The following CFAP263 variants were observed in gnomAD, a reference collection of about 807,000 sequenced individuals.
CFAP263 encodes cilia and flagella associated protein 263, also known as cilia- and flagella-associated protein 263.
chr16:58,275,780 C>A, the CFAP263 span, among the ~76,000 whole-genome samples: 7 of 152,078 alleles, frequency 4.6e-5, no homozygotes, highest in South Asian at 1.0e-3. Context: ...GGTAACTGGG[C>A]AAACATTAAG....
chr16:58,256,650 G>A, the CFAP263 span, among the ~76,000 whole-genome samples: 10 of 152,298 alleles, frequency 6.6e-5, no homozygotes, highest in East Asian at 5.8e-4. Context: ...GGATACTTGA[G>A]TAGGAGAGCA....
At chr16:58,280,221 GGACTA>G in the CFAP263 span, 6 of 1,604,794 alleles carry the variant, frequency 3.7e-6, no homozygotes, top group Non-Finnish European at 5.1e-6. Context: ...GGTAGCTCCT[GGACTA>G]GATACTGCTG....
the CFAP263 span, chr16:58,267,389 T>C: frequency 2.2e-6 from 2 of 918,774 alleles, no homozygotes; most frequent in African/African-American, 3.3e-5. Flanking sequence ...ATGGTCCTGC[T>C]TTTCTGTTCG....
At chr16:58,268,161 C>T in the CFAP263 span, among the ~76,000 whole-genome samples, 1 of 152,170 alleles carries the variant, frequency 6.6e-6, no homozygotes, top group Non-Finnish European at 1.5e-5. Context: ...GACCTGTGAC[C>T]TCTGTCCTGG....
the CFAP263 span, among the ~76,000 whole-genome samples, chr16:58,261,128 T>C: frequency 7.2e-5 from 11 of 151,982 alleles, no homozygotes; most frequent in Non-Finnish European, 1.6e-4. Flanking sequence ...GCAAGCCAGA[T>C]GTCAGGAATA....
the CFAP263 span, chr16:58,280,099 G>T: frequency 3.2e-6 from 3 of 944,746 alleles, no homozygotes; most frequent in Non-Finnish European, 4.8e-6. Context: ...CCCAGTGTAT[G>T]CCATGGGCTT....
chr16:58,269,647 T>G, the CFAP263 span, among the ~76,000 whole-genome samples: 109 of 152,368 alleles, frequency 7.2e-4, no homozygotes, highest in Non-Finnish European at 1.3e-3. Flanking sequence ...TTCACTTGTA[T>G]CATGTATCAT....
chr16:58,270,827 A>T, the CFAP263 span, among the ~76,000 whole-genome samples: 1 of 152,186 alleles, frequency 6.6e-6, no homozygotes, highest in Non-Finnish European at 1.5e-5. Flanking sequence ...GAAAGAAGAA[A>T]GGAGATGAAA....
At chr16:58,262,279 AATG>A in the CFAP263 span, 2 of 1,043,944 alleles carry the variant, frequency 1.9e-6, no homozygotes, top group African/African-American at 1.6e-5. Context: ...TGAATGACTG[AATG>A]ATGACTGACC....
chr16:58,256,899 AG>A, the CFAP263 span, among the ~76,000 whole-genome samples: 6 of 152,212 alleles, frequency 3.9e-5, no homozygotes, highest in Admixed American at 3.3e-4. Context: ...TGAAAAATAC[AG>A]TTAAGCTAAA....
At chr16:58,252,693 T>TTC in the CFAP263 span, 1 of 1,601,128 alleles carries the variant, frequency 6.2e-7, no homozygotes, top group Non-Finnish European at 8.6e-7. Context: ...TAAACTCTTA[T>TTC]TACTAGAACT....
the CFAP263 span, among the ~76,000 whole-genome samples, chr16:58,259,293 T>C: frequency 1.3e-5 from 2 of 152,168 alleles, no homozygotes; most frequent in Admixed American, 6.5e-5. Flanking sequence ...GGTCTTGAAC[T>C]CTTGGGCTCC....
chr16:58,259,972 T>C, the CFAP263 span: 1 of 1,409,056 alleles, frequency 7.1e-7, no homozygotes, highest in Non-Finnish European at 1.0e-6. Context: ...TGTTTCTTTT[T>C]AAGGTTACTG....
the CFAP263 span, chr16:58,280,617 T>A: frequency 1.9e-6 from 3 of 1,614,122 alleles, no homozygotes; most frequent in Non-Finnish European, 2.5e-6. Context: ...CAGCCTTGGA[T>A]GTGATCCATT....
the CFAP263 span, chr16:58,252,986 T>G: frequency 1.1e-6 from 1 of 877,688 alleles, no homozygotes; most frequent in East Asian, 2.6e-5. Flanking sequence ...TACTTTTGAT[T>G]TTTCTTTGCC....
the CFAP263 span, among the ~76,000 whole-genome samples, chr16:58,274,002 G>T: frequency 5.3e-5 from 8 of 152,204 alleles, no homozygotes; most frequent in African/African-American, 1.9e-4. Flanking sequence ...CTTTGACTCT[G>T]CATCTTCCTA....
the CFAP263 span, chr16:58,280,302 T>C: frequency 6.2e-7 from 1 of 1,613,972 alleles, no homozygotes; most frequent in African/African-American, 1.3e-5. Flanking sequence ...TGTTCTGACC[T>C]GCAAAAATCC....
chr16:58,268,041 GGA>G, the CFAP263 span, among the ~76,000 whole-genome samples: 1 of 75,778 alleles, frequency 1.3e-5, no homozygotes, highest in African/African-American at 8.2e-5. Flanking sequence ...AAGAGAGAGA[GGA>G]AGAGAGAGAG....
At chr16:58,282,924 T>C in the CFAP263 span, 1 of 152,302 alleles carries the variant, frequency 6.6e-6, no homozygotes, top group African/African-American at 2.4e-5. Context: ...TCCACCCACC[T>C]GGGCACAGCA....
Sources: allele counts gnomAD v4.1 joint callset (sites outside exome capture counted in the v4.1 genomes callset), GRCh38; gene constraint gnomAD v4.1.1; transcripts MANE v1.5; gene names NCBI Gene and HGNC (gene_info 2026-07-23, HGNC 2026-07-21).